The following ZNF705G variants were observed in gnomAD, a reference collection of about 807,000 sequenced individuals.
The protein encoded by ZNF705G is putative zinc finger protein 705G.
Under a neutral mutation model 19.6 loss-of-function variants are expected in ZNF705G, and 23 were observed. The observed-to-expected ratio is 1.17, with a 90% CI of 0.84 to 1.66. The LOEUF (loss-of-function observed/expected upper bound fraction) is 1.66. Ranked by LOEUF, ZNF705G falls within the 40% of genes most tolerant of loss-of-function variation. The pLI, the probability that ZNF705G is intolerant of heterozygous loss-of-function variation, is 0.00. For missense variants in ZNF705G, 457 were observed against 354.4 expected (o/e 1.29, Z -2.32); for synonymous variants, 146 against 117.7 (o/e 1.24, Z -1.56).
At chr8:7,367,871 T>G (rs1187111664) in intron 2 of ZNF705G, among the ~76,000 whole-genome samples, 1 of 149,818 alleles carries the variant, frequency 6.7e-6, no homozygotes, top group African/African-American at 2.6e-5. Context: ...GTAACTGGAA[T>G]CTCTTCTACT....
intron 3 of ZNF705G, among the ~76,000 whole-genome samples, chr8:7,362,037 T>A (rs186399001): frequency 5.3e-5 from 8 of 149,684 alleles, no homozygotes; most frequent in Admixed American, 5.2e-4. Context: ...TTCTCAACTT[T>A]CTCTCGGCAA....
chr8:7,365,399 G>A (rs1236017278), intron 2 of ZNF705G, among the ~76,000 whole-genome samples: 17 of 119,158 alleles, frequency 1.4e-4, no homozygotes, highest in Admixed American at 1.7e-4. Context: ...TTTTTTTTTG[G>A]CGGAGTATCA....
chr8:7,359,226 T>G (rs1806449070), intron 6 of ZNF705G, among the ~76,000 whole-genome samples: 2 of 149,674 alleles, frequency 1.3e-5, no homozygotes, highest in East Asian at 1.9e-4. Flanking sequence ...TGTCCTTAAC[T>G]TTGGCAAATA....
Position 7,357,087 on chromosome 8 carries a change from G to C in ZNF705G, c.*889C>G, listed in dbSNP as rs1296156018. On this transcript the variant is annotated 3_prime_UTR_variant, in exon 7 of 7. Transcript: ENST00000400156. ...TTTTCAAGTTTGATAGCTCCTCAAT[G>C]TGAGAAACTCAATGTCAACTAAGAA... 1 of 150,058 alleles carries C rather than the reference G, an allele frequency of 6.7e-6. No homozygotes were observed. The highest frequency in any genetic ancestry group is 1.5e-5 in the Non-Finnish European group (1 of 68,032). 9.3% of individuals were successfully genotyped at this position (150,058 alleles called of 1,614,324 possible).
intron 2 of ZNF705G, among the ~76,000 whole-genome samples, chr8:7,379,208 A>G (rs2128846940): frequency 6.8e-6 from 1 of 147,992 alleles, no homozygotes; most frequent in Admixed American, 6.6e-5. Context: ...ACTACTCGAA[A>G]TCTCAAAAAG....
chr8:7,361,842 T>C (rs1409245374), intron 3 of ZNF705G, among the ~76,000 whole-genome samples: 2 of 149,724 alleles, frequency 1.3e-5, no homozygotes, highest in African/African-American at 2.6e-5. Context: ...CCAGCATTCT[T>C]CAGAACTGAA....
rs559170148 is a variant in ZNF705G, at chr8:7,356,011, A to C, written c.*1965T>G. The C allele has an allele frequency of 6.7e-6, 1 of 149,562 alleles. No homozygotes were observed. Among genetic ancestry groups the C allele is most frequent in the Admixed American group, 6.6e-5 (1 of 15,236 alleles). 9.3% of individuals were successfully genotyped at this position (149,562 alleles called of 1,614,324 possible). On this transcript the variant is annotated 3_prime_UTR_variant, in exon 7 of 7. Coordinates refer to ENST00000400156, the MANE Select transcript of ZNF705G (RefSeq NM_001164457.3). ...AGCCTTAGTAAGGCCGATCGTATTA[A>C]GATTGTGCCTGTTTGGCAAAATTTC...
Position 7,361,127 on chromosome 8 carries a change from C to G in ZNF705G, c.122G>C (p.Ser41Thr), listed in dbSNP as rs1181252002. Reference sequence around the variant, plus strand: ...GGACTCACCGAGGGACACCAGGTGACTGATATTTTCCAGCATCACATCTCT... The same window carrying G: ...GGACTCACCGAGGGACACCAGGTGAGTGATATTTTCCAGCATCACATCTCT... ...LYRDVMLENI[S>T]HLVSLGYQIS... Residue 41 changes from serine (S) to threonine (T), a missense_variant, in exon 4 of 7, where the codon AGT (serine) becomes ACT (threonine). Ser to Thr is a moderately conservative substitution (Grantham distance 58). Transcript: ENST00000400156. 6.3e-7 allele frequency: 1 copy of G among 1,592,790 alleles called. No homozygotes were observed. The highest frequency in any genetic ancestry group is 8.5e-7 in the Non-Finnish European group (1 of 1,179,450).
intron 2 of ZNF705G, among the ~76,000 whole-genome samples, chr8:7,364,025 G>C (rs776469868): frequency 6.7e-6 from 1 of 149,580 alleles, no homozygotes; most frequent in East Asian, 1.9e-4. Flanking sequence ...TGACTTAGGA[G>C]AGGGAGAAAT....
chr8:7,360,965 TAG>T, intron 4 of ZNF705G, 143 bp downstream of exon 4: 6 of 1,448,278 alleles, frequency 4.1e-6, no homozygotes, highest in Non-Finnish European at 5.6e-6. Context: ...CAGATAGATT[TAG>T]AGAGTTCAAA....
intron 1 of ZNF705G, among the ~76,000 whole-genome samples, 161 bp from the exon 2 acceptor site, chr8:7,381,762 G>T (rs1807508363): frequency 6.7e-6 from 1 of 148,990 alleles, no homozygotes; most frequent in Admixed American, 6.6e-5. Context: ...GGGAGGAGTT[G>T]GGTTAAAAAA....
At chr8:7,366,695 A>G (rs1806873090) in intron 2 of ZNF705G, among the ~76,000 whole-genome samples, 1 of 149,922 alleles carries the variant, frequency 6.7e-6, no homozygotes. Flanking sequence ...ACTTACCTCA[A>G]TAAGGTAAAT....
intron 2 of ZNF705G, among the ~76,000 whole-genome samples, chr8:7,364,733 CT>C (rs1563293652): frequency 1.3e-5 from 2 of 149,534 alleles, no homozygotes; most frequent in South Asian, 2.1e-4. Flanking sequence ...TCAATATCAA[CT>C]TTTTTCTTAT....
intron 1 of ZNF705G, among the ~76,000 whole-genome samples, chr8:7,383,902 G>A (rs1384940038): frequency 3.5e-5 from 5 of 142,160 alleles, no homozygotes; most frequent in African/African-American, 8.9e-5. Context: ...CATCCCAAAT[G>A]GACTAAGGCA....
chr8:7,369,922 A>G (rs1160142460), intron 2 of ZNF705G, among the ~76,000 whole-genome samples: 1 of 149,190 alleles, frequency 6.7e-6, no homozygotes, highest in Non-Finnish European at 1.5e-5. Flanking sequence ...GGCCTGAAAA[A>G]CTATCTATTG....
At chr8:7,361,307 T>C (rs534379298) in intron 3 of ZNF705G, 71 bp from the exon 4 acceptor site, 5 of 1,591,516 alleles carry the variant, frequency 3.1e-6, no homozygotes, top group East Asian at 4.5e-5. Context: ...AAGGCTGAGA[T>C]GACATAGCTA....
At chr8:7,369,386 C>G (rs1806997812) in intron 2 of ZNF705G, among the ~76,000 whole-genome samples, 1 of 149,242 alleles carries the variant, frequency 6.7e-6, no homozygotes, top group Non-Finnish European at 1.5e-5. Flanking sequence ...CGTTGGAACC[C>G]CCACAGAGTC....
chr8:7,380,407 T>C (rs1214854385), intron 2 of ZNF705G, among the ~76,000 whole-genome samples: 1 of 147,592 alleles, frequency 6.8e-6, no homozygotes, highest in Non-Finnish European at 1.5e-5. Context: ...CCACCCAGCC[T>C]GGTGGTGCCT....
In ZNF705G at chr8:7,370,202, C is replaced by T. The variant is rs868121378; in HGVS notation, c.-71-7185G>A. ...AGGAGAATGACGTGAACCTAGGAGG[C>T]GGAGCTTGCAGCAAGCCGAGATCAC... is the stretch of plus-strand genomic sequence containing the variant. On this transcript the variant is annotated intron_variant, in intron 2 of 6. Coordinates refer to ENST00000400156, the MANE Select transcript of ZNF705G (RefSeq NM_001164457.3). Among the ~76,000 whole-genome samples, 7 of 147,480 alleles carry T rather than the reference C, an allele frequency of 4.7e-5. No individual in the cohort carries two copies. In the South Asian group the frequency reaches 6.4e-4, roughly 13 times the overall value.
Sources: gnomAD v4.1 joint callset for allele counts (sites outside exome capture counted in the v4.1 genomes callset) on GRCh38, gnomAD v4.1.1 for gene constraint, MANE v1.5 for transcripts, NCBI Gene and HGNC (gene_info 2026-07-23, HGNC 2026-07-21) for gene names.